IQSEC1: variants seen among roughly 807,000 people sequenced by gnomAD.
IQSEC1 encodes IQ motif and Sec7 domain ArfGEF 1.
In IQSEC1, 31 loss-of-function variants were observed where a neutral mutation model predicts 91.0. The ratio of observed to expected loss-of-function variants is 0.34; its 90% CI spans 0.26 to 0.46. The LOEUF (loss-of-function observed/expected upper bound fraction) is 0.46. Among genes scored for constraint, IQSEC1 ranks in the 20% least tolerant of loss-of-function variants. IQSEC1 has a pLI of 1.00. For missense variants in IQSEC1, 1,388 were observed against 1,575.6 expected (o/e 0.88, Z 2.02); for synonymous variants, 699 against 662.6 (o/e 1.05, Z -0.84).
chr3:13,203,914 G>C (rs1694291869), intron 1 of IQSEC1, among the ~76,000 whole-genome samples: 1 of 152,190 alleles, frequency 6.6e-6, no homozygotes, highest in Non-Finnish European at 1.5e-5. Flanking sequence ...GGGGTATGTG[G>C]GGCCTGGCAG....
At chr3:13,268,207 G>A (rs1695530417) in intron 1 of IQSEC1, among the ~76,000 whole-genome samples, 1 of 152,216 alleles carries the variant, frequency 6.6e-6, no homozygotes, top group Non-Finnish European at 1.5e-5. Flanking sequence ...CACGAAGCAG[G>A]ATGCCAAGAG....
chr3:13,262,133 G>A (rs1268981579), intron 1 of IQSEC1, among the ~76,000 whole-genome samples: 1 of 152,176 alleles, frequency 6.6e-6, no homozygotes, highest in Non-Finnish European at 1.5e-5. Context: ...ATGAGCCGCT[G>A]GACCTGAGCC....
At position 12,935,495 on chromosome 3, in the gene IQSEC1, A is replaced by G; in HGVS notation, c.1521T>C (p.Asp507=). 4 of 1,613,854 alleles carry G rather than the reference A, an allele frequency of 2.5e-6. No individual in the cohort carries two copies. The highest frequency in any genetic ancestry group is 3.4e-6 in the Non-Finnish European group (4 of 1,179,816). ...NSWDSPAFSN[D]VIRKRHYRIG... The stretch of plus-strand genomic sequence containing the variant: ...TGCGGTAGTGCCTCTTGCGGATGAC[A>G]TCGTTGCTAAAGGCAGGCGAGTCCC... Residue 507 remains aspartate, a synonymous_variant, in exon 3 of 14, where the codon GAT becomes GAC. Coordinates refer to ENST00000613206, the MANE Select transcript of IQSEC1 (RefSeq NM_001134382.3). The surrounding 1 kb of genome is among the most constrained non-coding windows in gnomAD (Gnocchi z 8.0).
rs1700661406 is a variant in IQSEC1 at position 12,967,506 on chromosome 3, G to A, written c.24-25641C>T. 5.6e-6 allele frequency: 8 copies of A among 1,432,128 alleles called. No homozygotes were observed. Among genetic ancestry groups the A allele is most frequent in the Middle Eastern group, 2.5e-4 (1 of 4,052 alleles). The allele number at this position is 1,432,128 out of a possible 1,614,324, so 88.7% of individuals were successfully genotyped here. On this transcript the variant is annotated intron_variant, in intron 1 of 13. Transcript: ENST00000613206. The surrounding 1 kb of genome is among the most constrained non-coding windows in gnomAD (Gnocchi z 5.9). ...GGAGCCGGGACCCAGGCCCAGCAGA[G>A]GCCGCCGACTCCCGCCAGCGAGCCG... is the stretch of plus-strand genomic sequence containing the variant.
At position 13,119,530 on chromosome 3, in the gene IQSEC1, A is replaced by G. The variant is rs80103360; in HGVS notation, c.302+44574T>C. Among the ~76,000 whole-genome samples the G allele has an allele frequency of 5.9e-3, 899 of 152,340 alleles. 13 individuals carry two copies. The highest frequency in any genetic ancestry group is 0.021 in the African/African-American group (861 of 41,576). ...ATGGAGCAGTATCAATAAGCTACAC[A>G]GTAAGGTTAGGTGGGTCCAACAACA... On this transcript the variant is annotated intron_variant, in intron 2 of 15. Transcript: ENST00000648114.
chr3:12,996,346 C>G (rs140171400), intron 1 of IQSEC1, among the ~76,000 whole-genome samples: 101 of 152,226 alleles, frequency 6.6e-4, no homozygotes, highest in African/African-American at 2.3e-3. Context: ...TCTGTTGGAC[C>G]TGGGCAAGTC....
rs1553568922 is a variant in IQSEC1 at position 13,145,808 on chromosome 3, G to GGC, written c.302+18295_302+18296insGC. 8.1e-5 allele frequency among the ~76,000 whole-genome samples: 11 copies of GGC among 135,544 alleles called. 1 individual carries two copies. The East Asian group carries it at 1.0e-3, about 13-fold the overall frequency. 88.9% of individuals were successfully genotyped at this position (135,544 alleles called of 152,430 possible). On this transcript the variant is annotated intron_variant, in intron 2 of 15. Transcript: ENST00000648114. Reference sequence around the variant, plus strand: ...GTGAACCTGGGCGCCCGGGGGCGGGGGGGGGGGGTCCTGATCATTGGGAAC... The same window carrying GGC: ...GTGAACCTGGGCGCCCGGGGGCGGGGGCGGGGGGGGTCCTGATCATTGGGAAC...
At chr3:12,939,780 C>G (rs190233380) in intron 2 of IQSEC1, among the ~76,000 whole-genome samples, 6 of 152,300 alleles carry the variant, frequency 3.9e-5, no homozygotes, top group Non-Finnish European at 7.3e-5. Flanking sequence ...CCAGCCTTAC[C>G]CAATGCTATT....
At chr3:12,912,583 G>C (rs1184937794) in intron 9 of IQSEC1, among the ~76,000 whole-genome samples, 1 of 147,224 alleles carries the variant, frequency 6.8e-6, no homozygotes, top group African/African-American at 2.5e-5. Flanking sequence ...AGAATGGCGT[G>C]AACCCGGGAA....
intron 2 of IQSEC1, among the ~76,000 whole-genome samples, chr3:13,095,056 C>T (rs1187226435): frequency 9.2e-5 from 14 of 151,976 alleles, no homozygotes; most frequent in Admixed American, 9.2e-4. Flanking sequence ...GAGCCCCCCT[C>T]CTCTCCACCT....
chr3:12,908,429 C>T lies in IQSEC1; in HGVS notation c.2675G>A (p.Cys892Tyr), dbSNP rs1468518803. 1.2e-6 allele frequency: 2 copies of T among 1,613,400 alleles called. No homozygotes were observed. The highest frequency in any genetic ancestry group is 1.7e-6 in the Non-Finnish European group (2 of 1,180,026). The change falls in exon 12 of 14, where the codon TGC becomes TAC. Residue 892 changes from cysteine (C) to tyrosine (Y), a missense_variant. Physicochemically the swap from Cys to Tyr is radical, Grantham distance 194. Coordinates refer to ENST00000613206, the MANE Select transcript of IQSEC1 (RefSeq NM_001134382.3). This position sits in a 1 kb window ranked among gnomAD's most constrained non-coding sequence, Gnocchi z 4.9. The stretch of plus-strand genomic sequence containing the variant: ...ACCGCTGGCATAGCTGTCGTCCAGG[C>T]AGGCCCGGCTCAGTGTTCCGTTGCC... ...ESGNGTLSRA[C>Y]LDDSYASGEG...
chr3:13,057,688 C>A (rs1704926108), intron 1 of IQSEC1, among the ~76,000 whole-genome samples: 1 of 152,200 alleles, frequency 6.6e-6, no homozygotes. Flanking sequence ...ATCCCGCCTG[C>A]CAGCCTGGGG....
intron 1 of IQSEC1, 59 bp from the exon 2 acceptor site, chr3:12,941,924 G>C: frequency 7.0e-7 from 1 of 1,436,130 alleles, no homozygotes; most frequent in Non-Finnish European, 9.3e-7. Context: ...ACACGACACC[G>C]GGCCGTGGGG....
chr3:12,935,591 T>C lies in IQSEC1; in HGVS notation c.1425A>G (p.Ser475=), dbSNP rs780052723. ...SNDTINCSSE[S]SSRDSLREQT... Reference sequence around the variant, plus strand: ...GCTCCCGCAGGCTGTCACGGGACGATGACTCGGAGCTGCAGTTGATGGTAT... The same window carrying C: ...GCTCCCGCAGGCTGTCACGGGACGACGACTCGGAGCTGCAGTTGATGGTAT... Residue 475 remains serine, a synonymous_variant, in exon 3 of 14, where the codon TCA becomes TCG. Transcript: ENST00000613206. This position sits in a 1 kb window ranked among gnomAD's most constrained non-coding sequence, Gnocchi z 8.0. The C allele has an allele frequency of 1.2e-6, 2 of 1,614,132 alleles. No homozygotes were observed. The highest frequency in any genetic ancestry group is 1.7e-6 in the Non-Finnish European group (2 of 1,180,022).
At chr3:13,253,077 G>A (rs1695225790) in intron 1 of IQSEC1, among the ~76,000 whole-genome samples, 2 of 152,198 alleles carry the variant, frequency 1.3e-5, no homozygotes, top group Non-Finnish European at 2.9e-5. Flanking sequence ...GTGGGTGTGA[G>A]GTTGCTTCTC....
intron 2 of IQSEC1, among the ~76,000 whole-genome samples, chr3:13,154,985 A>C (rs568843497): frequency 6.6e-6 from 1 of 152,354 alleles, no homozygotes; most frequent in Admixed American, 6.5e-5. Flanking sequence ...ACACAGCGAA[A>C]GTAGTACTAA....
intron 3 of IQSEC1, among the ~76,000 whole-genome samples, chr3:12,927,294 A>C (rs533208114): frequency 7.9e-4 from 121 of 152,292 alleles, no homozygotes; most frequent in Middle Eastern, 3.4e-3. Flanking sequence ...CTGAAAAATC[A>C]GACCTTCTGG....
intron 1 of IQSEC1, among the ~76,000 whole-genome samples, chr3:13,054,040 AGT>A (rs1704790383): frequency 6.6e-6 from 1 of 152,072 alleles, no homozygotes; most frequent in Admixed American, 6.6e-5. Context: ...CCGTCTCTCG[AGT>A]GTGTTTCTCG....
rs1695395834 is a variant in IQSEC1, at chr3:12,909,819, A to G, written c.2417-385T>C. On this transcript the variant is annotated intron_variant, in intron 10 of 13. Coordinates refer to ENST00000613206, the MANE Select transcript of IQSEC1 (RefSeq NM_001134382.3). This position sits in a 1 kb window ranked among gnomAD's most constrained non-coding sequence, Gnocchi z 4.9. Reference sequence around the variant, plus strand: ...GTGGCCCACAGCTCCCATGGGGTGCACTATGGGCACTCCACAGCCAAGGAA... The same window carrying G: ...GTGGCCCACAGCTCCCATGGGGTGCGCTATGGGCACTCCACAGCCAAGGAA... 6.6e-6 allele frequency among the ~76,000 whole-genome samples: 1 copy of G among 152,240 alleles called. No homozygotes were observed. Among genetic ancestry groups the G allele is most frequent in the African/African-American group, 2.4e-5 (1 of 41,458 alleles).
Sources: allele counts gnomAD v4.1 joint callset (sites outside exome capture counted in the v4.1 genomes callset), GRCh38; gene constraint gnomAD v4.1.1; non-coding constraint Gnocchi (gnomAD v3.1); transcripts MANE v1.5; gene names NCBI Gene and HGNC (gene_info 2026-07-23, HGNC 2026-07-21).